RMDN1: variants seen among roughly 807,000 people sequenced by gnomAD.
RMDN1 encodes regulator of microtubule dynamics protein 1.
RMDN1 carries 48 observed loss-of-function variants against 48.9 expected under a neutral mutation model. The ratio of observed to expected loss-of-function variants is 0.98; its 90% CI spans 0.78 to 1.25. The LOEUF is 1.25. Among genes scored for constraint, RMDN1 ranks in the 50% most tolerant of loss-of-function variants. RMDN1 has a pLI of 0.00. For missense variants in RMDN1, 418 were observed against 373.4 expected (o/e 1.12, Z -0.98); for synonymous variants, 148 against 132.6 (o/e 1.12, Z -0.80).
intron 5 of RMDN1, chr8:86,482,287 A>AG: frequency 3.3e-6 from 1 of 301,938 alleles, no homozygotes; most frequent in South Asian, 3.5e-5. Context: ...CTGTAATCCC[A>AG]GCTACTTGGG....
At position 86,474,047 on chromosome 8, in the gene RMDN1, A is replaced by C. The variant is rs377264559; in HGVS notation, c.*261T>G. ...AATGTGATCAATCCTTAGAAATCTCATACCATTTTGCATTGCTGGTATCCA... is the reference window on the plus strand; with the variant it reads ...AATGTGATCAATCCTTAGAAATCTCCTACCATTTTGCATTGCTGGTATCCA... On this transcript the variant is annotated 3_prime_UTR_variant, in exon 10 of 10. Transcript: ENST00000406452. The C allele has an allele frequency of 8.4e-7, 1 of 1,186,526 alleles. No homozygotes were observed. The highest frequency in any genetic ancestry group is 2.5e-5 in the South Asian group (1 of 39,266). The allele number at this position is 1,186,526 out of a possible 1,614,324, so 73.5% of individuals were successfully genotyped here.
At chr8:86,477,144 GAATA>G (rs1048451395) in intron 8 of RMDN1, 146 bp downstream of exon 8, 1 of 516,512 alleles carries the variant, frequency 1.9e-6, no homozygotes, top group Non-Finnish European at 3.4e-6. Context: ...GATCTTTACT[GAATA>G]AAGACTTTAA....
intron 5 of RMDN1, among the ~76,000 whole-genome samples, chr8:86,480,915 A>G (rs1028303879): frequency 6.6e-6 from 1 of 152,128 alleles, no homozygotes; most frequent in Non-Finnish European, 1.5e-5. Context: ...ATATTAATAG[A>G]ATAATTATGT....
chr8:86,473,670 G>A lies in RMDN1; in HGVS notation c.*638C>T. The A allele has an allele frequency of 2.7e-6, 1 of 376,954 alleles. No homozygotes were observed. The highest frequency in any genetic ancestry group is 3.7e-6 in the Non-Finnish European group (1 of 273,840). The allele number at this position is 376,954 out of a possible 1,614,324, so 23.4% of individuals were successfully genotyped here. On this transcript the variant is annotated 3_prime_UTR_variant, in exon 10 of 10. Transcript: ENST00000406452. ...AATCCCAGCCACTCAGGAGGCTAAG[G>A]CAGGAGAATCACTTGAACCCGGGAG...
downstream of RMDN1, among the ~76,000 whole-genome samples, chr8:86,469,211 TTGAAAA>T (rs960519388): frequency 3.3e-5 from 5 of 149,302 alleles, no homozygotes; most frequent in Admixed American, 1.3e-4. Context: ...TCCCAAGTAG[TTGAAAA>T]TGAAAAGGTT....
In RMDN1 at chr8:86,488,571, G is replaced by C. The variant is rs755611388; in HGVS notation, c.316C>G (p.Leu106Val). ...GCTTACCTTTCCTTGTATTGGGTTA[G>C]CAACTGATAAAGTTTTTCTGTTTCT... ...SGETEKLYQL[L>V]TQYKESEDAE... Residue 106 changes from leucine (L) to valine (V), a missense_variant, in exon 3 of 10, where the codon CTA becomes GTA. By Grantham distance (32) the Leu-to-Val change is conservative. Coordinates refer to ENST00000406452, the MANE Select transcript of RMDN1 (RefSeq NM_016033.3). 3.1e-6 allele frequency: 5 copies of C among 1,609,108 alleles called. No individual in the cohort carries two copies. Among genetic ancestry groups the C allele is most frequent in the Non-Finnish European group, 4.2e-6 (5 of 1,177,524 alleles).
At chr8:86,493,787 A>G (rs1816886258) in intron 2 of RMDN1, among the ~76,000 whole-genome samples, 2 of 152,216 alleles carry the variant, frequency 1.3e-5, no homozygotes, top group African/African-American at 4.8e-5. Context: ...CTTGTATAAA[A>G]TTACCTTCAG....
chr8:86,482,381 A>G, intron 5 of RMDN1: 2 of 391,234 alleles, frequency 5.1e-6, no homozygotes, highest in Non-Finnish European at 4.8e-6. Context: ...CAGCCTGGGC[A>G]ACAGAGGAGA....
chr8:86,498,092 A>T (rs1817659560), intron 2 of RMDN1, among the ~76,000 whole-genome samples: 1 of 152,190 alleles, frequency 6.6e-6, no homozygotes, highest in South Asian at 2.1e-4. Flanking sequence ...GTGAAACTCC[A>T]TCTCAAAAAT....
chr8:86,488,388 G>A (rs752243697), intron 3 of RMDN1, among the ~76,000 whole-genome samples, 164 bp downstream of exon 3: 1 of 152,030 alleles, frequency 6.6e-6, no homozygotes, highest in East Asian at 1.9e-4. Context: ...AGCATTTAAC[G>A]TAAGAAACAA....
downstream of RMDN1, among the ~76,000 whole-genome samples, chr8:86,471,539 A>G (rs1362895738): frequency 1.3e-5 from 2 of 152,210 alleles, no homozygotes; most frequent in Non-Finnish European, 2.9e-5. Flanking sequence ...CAAAATGCAG[A>G]TGTGAATGAC....
intron 2 of RMDN1, chr8:86,503,917 G>T: frequency 1.4e-6 from 1 of 723,064 alleles, no homozygotes; most frequent in Non-Finnish European, 2.6e-6. Context: ...GTGTAAAGCA[G>T]CTGAGTTGGT....
intron 2 of RMDN1, among the ~76,000 whole-genome samples, chr8:86,491,118 A>G (rs1816422728): frequency 6.6e-6 from 1 of 151,584 alleles, no homozygotes; most frequent in East Asian, 1.9e-4. Context: ...ATGGCTTTAA[A>G]TATATATATA....
Position 86,487,748 on chromosome 8 carries a change from C to G in RMDN1, c.335+804G>C, listed in dbSNP as rs187423150. Among the ~76,000 whole-genome samples the G allele has an allele frequency of 1.2e-4, 18 of 152,040 alleles. No homozygotes were observed. The East Asian group carries it at 3.5e-3, about 29-fold the overall frequency. On this transcript the variant is annotated intron_variant, in intron 3 of 9. Coordinates refer to ENST00000406452, the MANE Select transcript of RMDN1 (RefSeq NM_016033.3). ...TGAATATGGAGTAACTACCTTACAG[C>G]TTATTTTTCAAGTTATCAATGAAAT...
At chr8:86,503,919 T>C (rs1279645967) in intron 2 of RMDN1, 1 of 725,630 alleles carries the variant, frequency 1.4e-6, no homozygotes. Context: ...GTAAAGCAGC[T>C]GAGTTGGTTG....
At position 86,507,002 on chromosome 8, in the gene RMDN1, T is replaced by C. The variant is rs1260809989; in HGVS notation, c.240A>G (p.Thr80=). 1 of 1,574,102 alleles carries C rather than the reference T, an allele frequency of 6.4e-7. No homozygotes were observed. The highest frequency in any genetic ancestry group is 1.1e-5 in the South Asian group (1 of 90,120). ...VISQAAVVHA[T]AKVEEILEQA... ...TATCTAATTTATGCTTACCTTTGGC[T>C]GTGGCATGAACCACAGCAGCCTGAG... The change falls in exon 2 of 10, where the codon ACA becomes ACG. Residue 80 remains threonine, a synonymous_variant. Coordinates refer to ENST00000406452, the MANE Select transcript of RMDN1 (RefSeq NM_016033.3).
intron 4 of RMDN1, among the ~76,000 whole-genome samples, chr8:86,485,673 CTGTGACCT>C (rs1320938350): frequency 2.0e-5 from 3 of 152,182 alleles, no homozygotes; most frequent in Admixed American, 2.0e-4. Flanking sequence ...ACAATGTCAA[CTGTGACCT>C]TGTCTCCACA....
Position 86,473,799 on chromosome 8 carries a change from G to A in RMDN1, c.*509C>T, listed in dbSNP as rs574850929. 3.6e-3 allele frequency: 3,509 copies of A among 980,980 alleles called. 15 individuals carry two copies. The highest frequency in any genetic ancestry group is 0.023 in the Middle Eastern group (43 of 1,902). 60.8% of individuals were successfully genotyped at this position (980,980 alleles called of 1,614,324 possible). The stretch of plus-strand genomic sequence containing the variant: ...AAAAAAGGAAACTACTCCATTTTTA[G>A]TCATCTCCTTACTTAGTTCTTTACT... On this transcript the variant is annotated 3_prime_UTR_variant, in exon 10 of 10. Transcript: ENST00000406452.
chr8:86,505,290 G>C, intron 2 of RMDN1: 1 of 485,056 alleles, frequency 2.1e-6, no homozygotes, highest in Non-Finnish European at 4.0e-6. Context: ...GAGAGACCAA[G>C]TGAACCTACC....
Sources: allele counts gnomAD v4.1 joint callset (sites outside exome capture counted in the v4.1 genomes callset), GRCh38; gene constraint gnomAD v4.1.1; transcripts MANE v1.5; gene names NCBI Gene and HGNC (gene_info 2026-07-23, HGNC 2026-07-21).